Variants in ALS2 observed in about 807,000 individuals in gnomAD.
ALS2 encodes the protein alsin.
Under a neutral mutation model 203.4 loss-of-function variants are expected in ALS2, and 117 were observed. That is an observed-to-expected ratio of 0.58 (90% CI 0.50 to 0.67). The LOEUF (loss-of-function observed/expected upper bound fraction) is 0.67, where lower values mean the gene tolerates loss of function less well. ALS2 is among the 30% of genes least tolerant of loss of function. The probability of loss-of-function intolerance (pLI) is 0.00; values close to 1 mark genes in which losing one functional copy is unlikely to be tolerated. For missense variants in ALS2, 1,715 were observed against 1,989.4 expected (o/e 0.86, Z 2.62); for synonymous variants, 718 against 725.9 (o/e 0.99, Z 0.17).
rs200892980 is a variant in ALS2 at position 201,706,817 on chromosome 2, T to C, written c.4580+29A>G. Reference sequence around the variant, plus strand: ...AGTTTGCATTTTAAATTAAAACCATTTGGTTGCGCTTGTAACTACTACACT... The same window carrying C: ...AGTTTGCATTTTAAATTAAAACCATCTGGTTGCGCTTGTAACTACTACACT... On this transcript the variant is annotated intron_variant, in intron 29 of 33. Transcript: ENST00000264276. 9.1e-5 allele frequency: 146 copies of C among 1,613,034 alleles called. No homozygotes were observed. In the South Asian group the frequency reaches 1.6e-3, roughly 17 times the overall value.
chr2:201,769,433 C>A (rs1219981284), intron 1 of ALS2, among the ~76,000 whole-genome samples: 2 of 152,166 alleles, frequency 1.3e-5, no homozygotes, highest in Non-Finnish European at 2.9e-5. Context: ...AAAATTATGT[C>A]ATTAAAATAG....
Position 201,715,859 on chromosome 2 carries a change from C to A in ALS2, c.3837-20G>T. The A allele has an allele frequency of 1.2e-6, 2 of 1,613,750 alleles. No individual in the cohort carries two copies. Among genetic ancestry groups the A allele is most frequent in the Non-Finnish European group, 1.7e-6 (2 of 1,179,658 alleles). ...TTCCTGCTAATAAAGTCATATCAAC[C>A]TTTTATTAATCATTTCTTTTGTGCA... On this transcript the variant is annotated intron_variant, in intron 24 of 33. Coordinates refer to ENST00000264276, the MANE Select transcript of ALS2 (RefSeq NM_020919.4).
At position 201,726,685 on chromosome 2, in the gene ALS2, A is replaced by G. The variant is rs1691183538; in HGVS notation, c.3161T>C (p.Leu1054Pro). Residue 1054 changes from leucine to proline, a missense_variant, in exon 18 of 34, where the codon CTT (leucine) becomes CCT (proline). Transcript: ENST00000264276. ...TCACCTGCCATGAGGCTTCCCTGAA[A>G]GCCAGCGTCCATCATAGGTGGCATC... The part of the protein sequence containing the change: ...LKDATYDGRW[L>P]SGKPHGRGVL... The G allele has an allele frequency of 6.2e-7, 1 of 1,614,212 alleles. No homozygotes were observed. The highest frequency in any genetic ancestry group is 8.5e-7 in the Non-Finnish European group (1 of 1,180,036).
At chr2:201,769,068 A>G in intron 1 of ALS2, 123 bp from the exon 2 acceptor site, 1 of 546,860 alleles carries the variant, frequency 1.8e-6, no homozygotes, top group Non-Finnish European at 3.2e-6. Context: ...CAGTAAAACT[A>G]TTTAAACTAT....
intron 12 of ALS2, among the ~76,000 whole-genome samples, chr2:201,734,200 T>C (rs985767823): frequency 6.6e-6 from 1 of 152,148 alleles, no homozygotes; most frequent in East Asian, 1.9e-4. Context: ...GTGAGCTGGG[T>C]GCAGTGGTTC....
At position 201,761,713 on chromosome 2, in the gene ALS2, A is replaced by G. The variant is rs780766554; in HGVS notation, c.281T>C (p.Ile94Thr). 1 of 1,614,092 alleles carries G rather than the reference A, an allele frequency of 6.2e-7. No individual in the cohort carries two copies. Among genetic ancestry groups the G allele is most frequent in the Non-Finnish European group, 8.5e-7 (1 of 1,180,052 alleles). Residue 94 changes from isoleucine to threonine, a missense_variant, in exon 4 of 34, where the codon ATT becomes ACT. Physicochemically the swap from Ile to Thr is moderately conservative, Grantham distance 89 (BLOSUM62 -1). Coordinates refer to ENST00000264276, the MANE Select transcript of ALS2 (RefSeq NM_020919.4). ...ATGGAAGCTTCCTGTTGCCACAGTA[A>G]TAACATATTGCCCAACCAGGGCATT... ...LENALVGQYVITVATGSFHSG... is the reference protein window; with the variant it reads ...LENALVGQYVTTVATGSFHSG...
Position 201,761,706 on chromosome 2 carries a change from C to A in ALS2, c.288G>T (p.Val96=). The A allele has an allele frequency of 6.2e-7, 1 of 1,614,112 alleles. No homozygotes were observed. Among genetic ancestry groups the A allele is most frequent in the Non-Finnish European group, 8.5e-7 (1 of 1,180,026 alleles). Residue 96 remains valine (V), a synonymous_variant, in exon 4 of 34, where the codon GTG becomes GTT. Coordinates refer to ENST00000264276, the MANE Select transcript of ALS2 (RefSeq NM_020919.4). ...CTCCACTATGGAAGCTTCCTGTTGC[C>A]ACAGTAATAACATATTGCCCAACCA... is the stretch of plus-strand genomic sequence containing the variant. The part of the protein sequence containing the change: ...NALVGQYVIT[V]ATGSFHSGAV...
At chr2:201,747,454 C>A (rs956569292) in intron 8 of ALS2, among the ~76,000 whole-genome samples, 8 of 139,032 alleles carry the variant, frequency 5.8e-5, no homozygotes, top group Non-Finnish European at 1.1e-4. Context: ...GAGTCCAGCA[C>A]TCGGTCGCTT....
At chr2:201,765,587 T>G (rs551689610) in intron 3 of ALS2, 133 of 167,072 alleles carry the variant, frequency 8.0e-4, no homozygotes, top group Non-Finnish European at 1.6e-3. Context: ...TTCCTAGAAT[T>G]TGTCTTCCTT....
At chr2:201,753,266 ACAAAGT>A (rs776702038) in intron 6 of ALS2, 24 bp from the exon 7 acceptor site, 11 of 1,585,004 alleles carry the variant, frequency 6.9e-6, no homozygotes, top group Non-Finnish European at 9.5e-6. Context: ...ACACAGGCAC[ACAAAGT>A]CAAAGTATTC....
intron 10 of ALS2, among the ~76,000 whole-genome samples, chr2:201,743,578 G>A (rs542347327): frequency 2.6e-5 from 4 of 152,168 alleles, no homozygotes; most frequent in Non-Finnish European, 4.4e-5. Flanking sequence ...TCCACCTCCC[G>A]GGTTCAAGCA....
intron 1 of ALS2, among the ~76,000 whole-genome samples, chr2:201,771,122 T>A (rs1264816189): frequency 6.6e-6 from 1 of 150,848 alleles, no homozygotes; most frequent in African/African-American, 2.4e-5. Context: ...TCTCGGTTCA[T>A]TGCAACCTCC....
intron 25 of ALS2, among the ~76,000 whole-genome samples, chr2:201,712,297 T>C (rs551221767): frequency 1.3e-5 from 2 of 152,322 alleles, no homozygotes; most frequent in Non-Finnish European, 2.9e-5. Context: ...TTTCAACCTC[T>C]GGAATTTAAT....
intron 33 of ALS2, among the ~76,000 whole-genome samples, chr2:201,702,592 T>A (rs1277990679): frequency 1.3e-5 from 2 of 152,222 alleles, no homozygotes; most frequent in Non-Finnish European, 2.9e-5. Flanking sequence ...TCAGTAATTT[T>A]AAAATATTCT....
At chr2:201,748,477 T>C (rs1370715180) in intron 8 of ALS2, among the ~76,000 whole-genome samples, 1 of 152,218 alleles carries the variant, frequency 6.6e-6, no homozygotes, top group East Asian at 1.9e-4. Flanking sequence ...CTCCCAATGA[T>C]GTCGGAGAGT....
intron 17 of ALS2, 56 bp downstream of exon 17, chr2:201,727,156 C>T (rs1691228164): frequency 7.2e-7 from 1 of 1,396,332 alleles, no homozygotes; most frequent in Non-Finnish European, 1.0e-6. Flanking sequence ...CTTTATTACA[C>T]AAGAGGCAGA....
chr2:201,759,414 A>G, intron 4 of ALS2: 6 of 952,480 alleles, frequency 6.3e-6, no homozygotes, highest in Non-Finnish European at 7.5e-6. Context: ...TTGAGATGTT[A>G]TTTACAAAGA....
chr2:201,763,082 T>G (rs1057321226), intron 3 of ALS2: 3 of 177,798 alleles, frequency 1.7e-5, no homozygotes, highest in African/African-American at 7.2e-5. Context: ...CACACCAGAT[T>G]CCAGGTGTTT....
intron 29 of ALS2, among the ~76,000 whole-genome samples, chr2:201,705,749 CAATTA>C (rs553130919): frequency 1.6e-3 from 238 of 151,460 alleles, no homozygotes; most frequent in African/African-American, 5.5e-3. Context: ...CCACTGAAAA[CAATTA>C]AAGCACAAAA....
Sources: gnomAD v4.1 joint callset for allele counts (sites outside exome capture counted in the v4.1 genomes callset) on GRCh38, gnomAD v4.1.1 for gene constraint, MANE v1.5 for transcripts, NCBI Gene and HGNC (gene_info 2026-07-23, HGNC 2026-07-21) for gene names.